PTPRR: variants seen among roughly 807,000 people sequenced by gnomAD.
The protein encoded by PTPRR is receptor-type tyrosine-protein phosphatase R.
PTPRR carries 38 observed loss-of-function variants against 77.2 expected under a neutral mutation model. That is an observed-to-expected ratio of 0.49 (90% CI 0.38 to 0.65). The LOEUF (loss-of-function observed/expected upper bound fraction) is 0.65. PTPRR is among the 30% of genes least tolerant of loss of function. The pLI is 0.00. For missense variants in PTPRR, 744 were observed against 799.2 expected, an observed-to-expected ratio of 0.93 and a Z score of 0.83; for synonymous variants, 299 against 283.1, an observed-to-expected ratio of 1.06 and a Z score of -0.57.
At chr12:70,718,323 T>G (rs1232334327) in intron 6 of PTPRR, among the ~76,000 whole-genome samples, 4 of 152,016 alleles carry the variant, frequency 2.6e-5, no homozygotes, top group Non-Finnish European at 5.9e-5. Flanking sequence ...TGGAGTGCAA[T>G]AGCACGATCT....
chr12:70,892,731 T>G lies in PTPRR; in HGVS notation c.305A>C (p.Gln102Pro). 4 of 1,613,488 alleles carry G rather than the reference T, an allele frequency of 2.5e-6. No homozygotes were observed. Among genetic ancestry groups the G allele is most frequent in the Non-Finnish European group, 1.7e-6 (2 of 1,179,524 alleles). Residue 102 changes from glutamine to proline, a missense_variant, in exon 2 of 14, where the codon CAA becomes CCA. Physicochemically the swap from Gln to Pro is moderately conservative, Grantham distance 76. This residue lies in a region of PTPRR where 570 missense variants were observed against 573.2 expected (regional missense o/e 0.99). Coordinates refer to ENST00000283228, the MANE Select transcript of PTPRR (RefSeq NM_002849.4). ...PSLNLLAMDG[Q>P]DLEVENLPIP... The stretch of plus-strand genomic sequence containing the variant: ...TGGGAGATTTTCCACTTCAAGATCT[T>G]GACCATCCATGGCCAGCAGATTGAG...
At chr12:70,899,771 T>C (rs1893499624) in intron 1 of PTPRR, among the ~76,000 whole-genome samples, 2 of 151,314 alleles carry the variant, frequency 1.3e-5, no homozygotes, top group Non-Finnish European at 1.5e-5. Flanking sequence ...GATGACATGA[T>C]TGTCTATATA....
At chr12:70,819,159 A>G (rs1187060290) in intron 2 of PTPRR, among the ~76,000 whole-genome samples, 2 of 152,294 alleles carry the variant, frequency 1.3e-5, no homozygotes, top group African/African-American at 4.8e-5. Flanking sequence ...CATCTCTACT[A>G]AAAATACAAA....
chr12:70,916,194 A>T (rs1362168200), intron 1 of PTPRR, among the ~76,000 whole-genome samples: 1 of 152,174 alleles, frequency 6.6e-6, no homozygotes, highest in African/African-American at 2.4e-5. Context: ...CTCATTAACA[A>T]GGTAATATTT....
chr12:70,788,985 A>G, intron 2 of PTPRR: 1 of 1,005,984 alleles, frequency 9.9e-7, no homozygotes, highest in South Asian at 2.0e-5. Context: ...TACTGTTTCT[A>G]GAGACACTGC....
intron 4 of PTPRR, among the ~76,000 whole-genome samples, chr12:70,757,407 A>G (rs1389627781): frequency 6.6e-6 from 1 of 152,184 alleles, no homozygotes; most frequent in Non-Finnish European, 1.5e-5. Flanking sequence ...TTGTAAAAAC[A>G]TTTAATTTTA....
intron 10 of PTPRR, among the ~76,000 whole-genome samples, chr12:70,670,367 T>C (rs1887176238): frequency 1.3e-5 from 2 of 152,212 alleles, no homozygotes; most frequent in Admixed American, 6.5e-5. Context: ...GGCTTTGGAA[T>C]TAAACAAGCC....
intron 8 of PTPRR, among the ~76,000 whole-genome samples, chr12:70,691,887 A>G (rs548270003): frequency 1.3e-5 from 2 of 152,284 alleles, no homozygotes; most frequent in South Asian, 4.2e-4. Context: ...ATAGCTGTCA[A>G]GGTGCTCTGT....
rs1888405686 is a variant in PTPRR, at chr12:70,701,118, C to A, written c.1194+19G>T. On this transcript the variant is annotated intron_variant, in intron 7 of 13. Transcript: ENST00000283228. Reference sequence around the variant, plus strand: ...ATCAAAATACCGACTGAAGAGTGAACAATAAATAGAAGGCTCACCATGAAT... The same window carrying A: ...ATCAAAATACCGACTGAAGAGTGAAAAATAAATAGAAGGCTCACCATGAAT... 1.2e-6 allele frequency: 2 copies of A among 1,613,002 alleles called. No homozygotes were observed. The highest frequency in any genetic ancestry group is 1.7e-6 in the Non-Finnish European group (2 of 1,179,404).
At chr12:70,711,070 T>C (rs1481277396) in intron 6 of PTPRR, among the ~76,000 whole-genome samples, 2 of 152,082 alleles carry the variant, frequency 1.3e-5, no homozygotes, top group Non-Finnish European at 2.9e-5. Flanking sequence ...AATTGCTCTA[T>C]TATAAAGACA....
At chr12:70,805,295 A>T (rs1216996859) in intron 2 of PTPRR, among the ~76,000 whole-genome samples, 1 of 151,646 alleles carries the variant, frequency 6.6e-6, no homozygotes, top group Non-Finnish European at 1.5e-5. Flanking sequence ...ATGATTTTTG[A>T]GGGAGTTTAT....
At chr12:70,740,101 G>A (rs2136912521) in intron 6 of PTPRR, among the ~76,000 whole-genome samples, 1 of 152,236 alleles carries the variant, frequency 6.6e-6, no homozygotes, top group East Asian at 1.9e-4. Flanking sequence ...AGATAAACCT[G>A]AAGACTATTG....
chr12:70,896,575 A>G (rs1188316376), intron 1 of PTPRR, among the ~76,000 whole-genome samples: 1 of 151,820 alleles, frequency 6.6e-6, no homozygotes, highest in Admixed American at 6.6e-5. Context: ...AAAGAAAAGA[A>G]GAATATTTCC....
chr12:70,919,066 C>T (rs1565741090), intron 1 of PTPRR, among the ~76,000 whole-genome samples: 1 of 152,060 alleles, frequency 6.6e-6, no homozygotes, highest in Non-Finnish European at 1.5e-5. Flanking sequence ...ATTATTTGCT[C>T]AAAAGATTCA....
chr12:70,863,144 C>A (rs1010257077), intron 2 of PTPRR, among the ~76,000 whole-genome samples: 1 of 152,130 alleles, frequency 6.6e-6, no homozygotes, highest in African/African-American at 2.4e-5. Context: ...ATCTAACTAG[C>A]ATTGATCAAA....
intron 2 of PTPRR, among the ~76,000 whole-genome samples, chr12:70,804,046 C>A (rs1891663554): frequency 6.6e-6 from 1 of 151,286 alleles, no homozygotes; most frequent in Admixed American, 6.6e-5. Context: ...AAATGGAATT[C>A]AAATAAGATA....
At chr12:70,888,955 T>G (rs1201553457) in intron 2 of PTPRR, among the ~76,000 whole-genome samples, 1 of 152,214 alleles carries the variant, frequency 6.6e-6, no homozygotes, top group Non-Finnish European at 1.5e-5. Context: ...GCAAACAGTC[T>G]GAATTTTAAG....
chr12:70,824,041 G>A (rs780658273), intron 2 of PTPRR, among the ~76,000 whole-genome samples: 1 of 152,104 alleles, frequency 6.6e-6, no homozygotes, highest in Non-Finnish European at 1.5e-5. Flanking sequence ...CCTCAACAAC[G>A]GTTCACAGAA....
At chr12:70,767,054 A>G (rs964902812) in intron 2 of PTPRR, among the ~76,000 whole-genome samples, 2 of 152,250 alleles carry the variant, frequency 1.3e-5, no homozygotes, top group Admixed American at 6.5e-5. Context: ...CAGCCACTGC[A>G]AAATCACGCC....
Sources: allele counts gnomAD v4.1 joint callset (sites outside exome capture counted in the v4.1 genomes callset), GRCh38; gene constraint gnomAD v4.1.1; regional missense constraint gnomAD v4.1.1; transcripts MANE v1.5; gene names NCBI Gene and HGNC (gene_info 2026-07-23, HGNC 2026-07-21).